Variants in TDRKH observed in about 807,000 individuals in gnomAD.
TDRKH encodes tudor and KH domain containing.
Under a neutral mutation model 61.3 loss-of-function variants are expected in TDRKH, and 28 were observed. The ratio of observed to expected loss-of-function variants is 0.46; its 90% confidence interval spans 0.34 to 0.63. The LOEUF is 0.63. TDRKH is among the 20% of genes least tolerant of loss of function. The probability of loss-of-function intolerance (pLI) is 0.01; values close to 1 mark genes in which losing one functional copy is unlikely to be tolerated. For missense variants in TDRKH, 540 were observed against 683.4 expected (o/e 0.79, Z 2.34); for synonymous variants, 219 against 244.4 (o/e 0.90, Z 0.97).
chr1:151,779,559 C>T (rs890844065), intron 4 of TDRKH, among the ~76,000 whole-genome samples: 2 of 152,188 alleles, frequency 1.3e-5, no homozygotes, highest in African/African-American at 4.8e-5. Context: ...AACACCGGAT[C>T]AAGGACAGGA....
intron 1 of TDRKH, among the ~76,000 whole-genome samples, chr1:151,789,726 CA>C (rs1379512426): frequency 4.5e-4 from 69 of 152,230 alleles, no homozygotes; most frequent in African/African-American, 1.4e-3. Context: ...TAACTCATTC[CA>C]GTATCTCCTA....
chr1:151,776,396 C>A (rs1183695564), intron 7 of TDRKH, 43 bp downstream of exon 7: 15 of 1,606,294 alleles, frequency 9.3e-6, no homozygotes, highest in Admixed American at 1.7e-5. Flanking sequence ...AAAGATATGC[C>A]TTCTTTTCAT....
rs1648901278 is a variant in TDRKH at position 151,773,895 on chromosome 1, T to C, written c.*557A>G. 1 of 152,252 alleles carries C rather than the reference T, an allele frequency of 6.6e-6. No homozygotes were observed. The highest frequency in any genetic ancestry group is 2.4e-5 in the African/African-American group (1 of 41,436). 9.4% of individuals were successfully genotyped at this position (152,252 alleles called of 1,614,324 possible). A position where few individuals can be genotyped will look rare whatever the true frequency, so the allele number is the denominator to read the frequency against. The stretch of plus-strand genomic sequence containing the variant: ...TGAGTCAGAAGTCTGCAGAATCACT[T>C]CCAATGACGAAAGCCTGACTGTTTC... On this transcript the variant is annotated 3_prime_UTR_variant, in exon 13 of 13. Transcript: ENST00000368824.
At chr1:151,778,309 T>C (rs1216170705) in intron 6 of TDRKH, among the ~76,000 whole-genome samples, 2 of 152,236 alleles carry the variant, frequency 1.3e-5, no homozygotes, top group Admixed American at 1.3e-4. Flanking sequence ...CTTTTGCTGG[T>C]AACAACTTGT....
chr1:151,768,329 T>G, downstream of TDRKH: 1 of 1,493,842 alleles, frequency 6.7e-7, no homozygotes, highest in Non-Finnish European at 9.0e-7. Flanking sequence ...TGGAGCTAGA[T>G]ATAAGCAATC....
At chr1:151,777,719 A>ATTT (rs35582886) in intron 6 of TDRKH, among the ~76,000 whole-genome samples, 46,139 of 129,564 alleles carry the variant, frequency 0.36, 10,391 homozygotes, top group Non-Finnish European at 0.5. Flanking sequence ...AAAATAGTTA[A>ATTT]TTTTTTTTTT....
chr1:151,766,991 A>AG, downstream of TDRKH: 6 of 1,362,566 alleles, frequency 4.4e-6, no homozygotes, highest in Non-Finnish European at 6.1e-6. Context: ...ACAACAGAAT[A>AG]GGGGGTGGAA....
downstream of TDRKH, chr1:151,768,335 CA>C: frequency 6.8e-7 from 1 of 1,470,388 alleles, no homozygotes; most frequent in Non-Finnish European, 9.1e-7. Context: ...TAGATATAAG[CA>C]ATCCATTCAC....
downstream of TDRKH, chr1:151,770,474 C>T (rs1456925430): frequency 5.3e-6 from 3 of 563,982 alleles, no homozygotes; most frequent in Non-Finnish European, 8.9e-6. Flanking sequence ...TGTTAGGGGC[C>T]AGACTGAAGG....
At chr1:151,781,834 A>C in intron 2 of TDRKH, 1 of 479,582 alleles carries the variant, frequency 2.1e-6, no homozygotes. Flanking sequence ...TTCTGCAATA[A>C]ACAGGTGCTG....
intron 6 of TDRKH, 183 bp downstream of exon 6, chr1:151,778,502 G>A: frequency 6.5e-7 from 1 of 1,549,432 alleles, no homozygotes; most frequent in Non-Finnish European, 8.9e-7. Flanking sequence ...AAACTGTCCA[G>A]CAACTGTTGG....
At chr1:151,773,453 G>T (rs1648859614), downstream of TDRKH, 1 of 152,636 alleles carries the variant, frequency 6.6e-6, no homozygotes, top group African/African-American at 2.4e-5. Flanking sequence ...CTCACAGCCT[G>T]CTTCCACCTT....
chr1:151,781,077 A>G (rs1296517323), intron 3 of TDRKH, among the ~76,000 whole-genome samples: 1 of 151,668 alleles, frequency 6.6e-6, no homozygotes, highest in Non-Finnish European at 1.5e-5. Context: ...GCACTCTGGG[A>G]GGCCGAGGCA....
intron 1 of TDRKH, among the ~76,000 whole-genome samples, chr1:151,786,622 G>A (rs996281762): frequency 2.6e-5 from 4 of 152,184 alleles, no homozygotes; most frequent in South Asian, 2.1e-4. Flanking sequence ...CAGCTTTACT[G>A]ATCAACAGAA....
At chr1:151,770,770 C>G (rs575208044), downstream of TDRKH, among the ~76,000 whole-genome samples, 49 of 152,300 alleles carry the variant, frequency 3.2e-4, no homozygotes, top group Non-Finnish European at 5.0e-4. Context: ...ATAGGTAGAC[C>G]TCACTAATCT....
chr1:151,784,099 A>C (rs1052857263), intron 1 of TDRKH, among the ~76,000 whole-genome samples: 1 of 152,172 alleles, frequency 6.6e-6, no homozygotes, highest in Non-Finnish European at 1.5e-5. Context: ...AAAAAAGGAG[A>C]GCATTCAGAG....
At chr1:151,775,668 G>C in intron 9 of TDRKH, 125 bp from the exon 10 acceptor site, 1 of 1,500,804 alleles carries the variant, frequency 6.7e-7, no homozygotes, top group Non-Finnish European at 9.0e-7. Context: ...GGGTCTGCCA[G>C]GCAAGTTTCT....
rs186187634 is a variant in TDRKH at position 151,773,894 on chromosome 1, T to A, written c.*558A>T. 1 of 152,410 alleles carries A rather than the reference T, an allele frequency of 6.6e-6. No homozygotes were observed. Among genetic ancestry groups the A allele is most frequent in the Admixed American group, 6.5e-5 (1 of 15,300 alleles). The allele number at this position is 152,410 out of a possible 1,614,324, so 9.4% of individuals were successfully genotyped here. A position where few individuals can be genotyped will look rare whatever the true frequency, so the allele number is the denominator to read the frequency against. ...GTGAGTCAGAAGTCTGCAGAATCAC[T>A]TCCAATGACGAAAGCCTGACTGTTT... On this transcript the variant is annotated 3_prime_UTR_variant, in exon 13 of 13. Coordinates refer to ENST00000368824, the MANE Select transcript of TDRKH (RefSeq NM_001083965.2).
chr1:151,767,422 G>A (rs748335548), downstream of TDRKH: 7 of 1,488,842 alleles, frequency 4.7e-6, no homozygotes, highest in Non-Finnish European at 5.3e-6. Flanking sequence ...GAACGCATGT[G>A]TAAAAGCTAC....
Sources: gnomAD v4.1 joint callset for allele counts (sites outside exome capture counted in the v4.1 genomes callset) on GRCh38, gnomAD v4.1.1 for gene constraint, MANE v1.5 for transcripts, NCBI Gene and HGNC (gene_info 2026-07-23, HGNC 2026-07-21) for gene names.